ST3GAL6: variants seen among roughly 807,000 people sequenced by gnomAD.
ST3GAL6 encodes type 2 lactosamine alpha-2,3-sialyltransferase.
Under a neutral mutation model 40.5 loss-of-function variants are expected in ST3GAL6, and 31 were observed. The observed-to-expected ratio is 0.77, with a 90% CI of 0.58 to 1.03. The LOEUF (loss-of-function observed/expected upper bound fraction) is 1.03, where lower values mean the gene tolerates loss of function less well. Ranked by LOEUF, ST3GAL6 falls within the 50% of genes least tolerant of loss-of-function variation. The pLI is 0.00. For missense variants in ST3GAL6, 357 were observed against 393.2 expected (o/e 0.91, Z 0.78); for synonymous variants, 129 against 136.9 (o/e 0.94, Z 0.40).
At chr3:98,779,815 T>C (rs954901494) in intron 5 of ST3GAL6, among the ~76,000 whole-genome samples, 1 of 152,148 alleles carries the variant, frequency 6.6e-6, no homozygotes, top group Admixed American at 6.5e-5. Context: ...GAGTAAAAAG[T>C]AATTCCTTCT....
chr3:98,745,042 T>C (rs927183103), intron 1 of ST3GAL6, among the ~76,000 whole-genome samples: 5 of 151,978 alleles, frequency 3.3e-5, no homozygotes, highest in Admixed American at 6.6e-5. Flanking sequence ...TATTTATTTA[T>C]TTATTTTTTG....
chr3:98,771,189 AG>A (rs1472716220), intron 3 of ST3GAL6: 4 of 1,444,566 alleles, frequency 2.8e-6, no homozygotes, highest in Admixed American at 4.1e-5. Context: ...CTTTTCACAC[AG>A]GTGAGGCTAG....
At chr3:98,749,954 GT>G (rs1936859228) in intron 1 of ST3GAL6, among the ~76,000 whole-genome samples, 1 of 152,196 alleles carries the variant, frequency 6.6e-6, no homozygotes, top group African/African-American at 2.4e-5. Context: ...TGTATAGGTG[GT>G]TGGGAGGTGA....
At chr3:98,770,237 C>A (rs1938825483) in intron 2 of ST3GAL6, among the ~76,000 whole-genome samples, 1 of 152,192 alleles carries the variant, frequency 6.6e-6, no homozygotes, top group African/African-American at 2.4e-5. Context: ...ATCCTGCCAT[C>A]CACCACCCCT....
intron 1 of ST3GAL6, among the ~76,000 whole-genome samples, chr3:98,734,020 C>A (rs1935304971): frequency 1.3e-5 from 2 of 152,190 alleles, no homozygotes; most frequent in African/African-American, 4.8e-5. Context: ...AACTGTAGAT[C>A]TGCTGAAAGC....
At chr3:98,793,235 G>A (rs1248617844) in intron 9 of ST3GAL6, among the ~76,000 whole-genome samples, 1 of 152,200 alleles carries the variant, frequency 6.6e-6, no homozygotes, top group African/African-American at 2.4e-5. Flanking sequence ...TCCTCAGGAA[G>A]AAAACTTGGA....
chr3:98,741,050 C>CTGTGTGTGTGTG (rs748180004), intron 1 of ST3GAL6, among the ~76,000 whole-genome samples: 10 of 78,914 alleles, frequency 1.3e-4, no homozygotes, highest in Middle Eastern at 7.5e-3. Context: ...TAGAGGGATT[C>CTGTGTGTGTGTG]AGTGTGTGTG....
intron 5 of ST3GAL6, among the ~76,000 whole-genome samples, chr3:98,778,508 T>C (rs764083980): frequency 3.9e-5 from 6 of 152,198 alleles, no homozygotes; most frequent in Non-Finnish European, 8.8e-5. Flanking sequence ...GAAGTTGCGA[T>C]TCTACATCAA....
chr3:98,792,651 C>A (rs1206476771), intron 9 of ST3GAL6, among the ~76,000 whole-genome samples: 1 of 149,386 alleles, frequency 6.7e-6, no homozygotes, highest in African/African-American at 2.5e-5. Context: ...GGATAACAGG[C>A]GCCCGCCACC....
chr3:98,782,317 T>C (rs894542837), intron 5 of ST3GAL6: 16 of 703,392 alleles, frequency 2.3e-5, no homozygotes, highest in Non-Finnish European at 3.1e-5. Context: ...CTATAGCTAA[T>C]TGATGTATGC....
intron 1 of ST3GAL6, among the ~76,000 whole-genome samples, chr3:98,736,615 A>G (rs1935566420): frequency 6.6e-6 from 1 of 152,160 alleles, no homozygotes; most frequent in Non-Finnish European, 1.5e-5. Context: ...TTTGGGTGAT[A>G]TTCCATGTGG....
chr3:98,791,586 G>A (rs1279813549), intron 8 of ST3GAL6, among the ~76,000 whole-genome samples: 1 of 152,078 alleles, frequency 6.6e-6, no homozygotes, highest in Non-Finnish European at 1.5e-5. Context: ...TTGGATAGTT[G>A]TCCTCTGGGC....
At chr3:98,750,992 C>T (rs775757332) in intron 1 of ST3GAL6, among the ~76,000 whole-genome samples, 1 of 152,098 alleles carries the variant, frequency 6.6e-6, no homozygotes, top group African/African-American at 2.4e-5. Flanking sequence ...CCTGTTTCCC[C>T]CAGTATGACA....
At chr3:98,734,602 T>C (rs1935366971) in intron 1 of ST3GAL6, among the ~76,000 whole-genome samples, 1 of 152,230 alleles carries the variant, frequency 6.6e-6, no homozygotes, top group South Asian at 2.1e-4. Flanking sequence ...GTTGTTTACA[T>C]GGTGCAGTAA....
At chr3:98,732,682 G>C in intron 1 of ST3GAL6, 1 of 581,366 alleles carries the variant, frequency 1.7e-6, no homozygotes, top group Non-Finnish European at 2.8e-6. Flanking sequence ...AGCTTCCCGC[G>C]ACTCCGGAGG....
intron 1 of ST3GAL6, among the ~76,000 whole-genome samples, chr3:98,766,717 A>C (rs1938395345): frequency 6.6e-6 from 1 of 152,158 alleles, no homozygotes; most frequent in Non-Finnish European, 1.5e-5. Context: ...CACTGCGCCC[A>C]GCCAAATGAA....
chr3:98,784,097 A>G lies in ST3GAL6; in HGVS notation c.336-848A>G, dbSNP rs534132729. Among the ~76,000 whole-genome samples the G allele has an allele frequency of 3.3e-5, 5 of 152,338 alleles. No individual in the cohort carries two copies. In the South Asian group the frequency reaches 1.0e-3, roughly 32 times the overall value. ...TGCTGATTTCACGGGTCTTAGGGAA[A>G]CAGTGTTCTCTTTAGACTTTCCATG... On this transcript the variant is annotated intron_variant, in intron 5 of 9. Transcript: ENST00000483910.
At chr3:98,789,371 A>G (rs1941013687) in intron 8 of ST3GAL6, among the ~76,000 whole-genome samples, 2 of 152,176 alleles carry the variant, frequency 1.3e-5, no homozygotes, top group Admixed American at 6.5e-5. Context: ...TCTACAACCC[A>G]TGTAACCTCT....
upstream of ST3GAL6, among the ~76,000 whole-genome samples, chr3:98,761,304 G>A (rs1010337810): frequency 1.3e-5 from 2 of 152,028 alleles, no homozygotes; most frequent in African/African-American, 4.8e-5. Context: ...ATGAATAAAG[G>A]CAATTTTAAA....
Sources: gnomAD v4.1 joint callset for allele counts (sites outside exome capture counted in the v4.1 genomes callset) on GRCh38, gnomAD v4.1.1 for gene constraint, MANE v1.5 for transcripts, NCBI Gene and HGNC (gene_info 2026-07-23, HGNC 2026-07-21) for gene names.